DISP1: variants seen among roughly 807,000 people sequenced by gnomAD.
DISP1 encodes dispatched RND transporter family member 1.
A neutral mutation model predicts 37.3 loss-of-function variants in DISP1; 30 were observed. The observed-to-expected ratio is 0.80, with a 90% confidence interval of 0.60 to 1.09. The LOEUF is 1.09. Ranked by LOEUF, DISP1 falls within the 50% of genes least tolerant of loss-of-function variation. The pLI is 0.00. For missense variants in DISP1, 1,598 were observed against 1,879.5 expected, an observed-to-expected ratio of 0.85 and a Z score of 2.77; for synonymous variants, 634 against 690.2, an observed-to-expected ratio of 0.92 and a Z score of 1.28.
intron 1 of DISP1, among the ~76,000 whole-genome samples, chr1:222,855,991 G>T (rs1000970673): frequency 1.3e-5 from 2 of 151,846 alleles, no homozygotes; most frequent in African/African-American, 2.4e-5. Context: ...TGGGGGAAAA[G>T]ATTCTTCTGT....
chr1:222,951,285 C>A (rs1318261646), intron 3 of DISP1, among the ~76,000 whole-genome samples: 1 of 151,742 alleles, frequency 6.6e-6, no homozygotes, highest in Non-Finnish European at 1.5e-5. Flanking sequence ...TTTCTAATTT[C>A]TGACTCATTT....
intron 2 of DISP1, among the ~76,000 whole-genome samples, chr1:222,929,312 C>G (rs1483722635): frequency 6.6e-6 from 1 of 151,996 alleles, no homozygotes; most frequent in Non-Finnish European, 1.5e-5. Flanking sequence ...TTATTTGCAA[C>G]TGGTGGAAAA....
intron 3 of DISP1, among the ~76,000 whole-genome samples, chr1:222,977,319 C>T (rs1020351961): frequency 6.6e-6 from 1 of 150,750 alleles, no homozygotes; most frequent in Non-Finnish European, 1.5e-5. Context: ...CAGGCATGAG[C>T]CACCACGCCC....
intron 1 of DISP1, among the ~76,000 whole-genome samples, chr1:222,926,082 C>T (rs1673068923): frequency 1.3e-5 from 2 of 152,150 alleles, no homozygotes; most frequent in Non-Finnish European, 2.9e-5. Context: ...ACTCCCCATC[C>T]TCTGTCTCCA....
chr1:222,918,273 G>A (rs35396959), intron 1 of DISP1, among the ~76,000 whole-genome samples: 44,811 of 152,024 alleles, frequency 0.29, 7,154 homozygotes, highest in Non-Finnish European at 0.36. Flanking sequence ...AACTGGTTAC[G>A]TTAATTGGAG....
intron 3 of DISP1, among the ~76,000 whole-genome samples, chr1:222,958,906 A>T (rs1288804993): frequency 6.6e-6 from 1 of 152,080 alleles, no homozygotes; most frequent in East Asian, 1.9e-4. Flanking sequence ...TACATTAATG[A>T]TGTCCTTGAC....
chr1:222,825,933 GCT>G (rs1664271532), intron 1 of DISP1, among the ~76,000 whole-genome samples: 1 of 151,718 alleles, frequency 6.6e-6, no homozygotes, highest in Non-Finnish European at 1.5e-5. Flanking sequence ...GCTGGGTCTT[GCT>G]CTGTCACCCA....
intron 1 of DISP1, among the ~76,000 whole-genome samples, chr1:222,885,826 ATATAATGTAGCAT>A (rs1670562372): frequency 6.6e-6 from 1 of 152,124 alleles, no homozygotes; most frequent in Non-Finnish European, 1.5e-5. Flanking sequence ...ACTAACATGT[ATATAATGTAGCAT>A]TCAGAGTTCC....
At position 223,005,507 on chromosome 1, in the gene DISP1, C is replaced by T. The variant is rs764913127; in HGVS notation, c.4110C>T (p.Gly1370=). ...ACATTCAGGCCCAAGAAAAAATTGGCAAGACCAATGTACACAGTCTTCAGA... is the reference window on the plus strand; with the variant it reads ...ACATTCAGGCCCAAGAAAAAATTGGTAAGACCAATGTACACAGTCTTCAGA... ...VQHIQAQEKI[G]KTNVHSLQRS... is the part of the protein sequence containing the mutation. The change falls in exon 9 of 9, where the codon GGC becomes GGT. Residue 1370 remains glycine, a synonymous_variant. Transcript: ENST00000675850. 4 of 1,613,970 alleles carry T rather than the reference C, an allele frequency of 2.5e-6. No homozygotes were observed. The highest frequency in any genetic ancestry group is 3.4e-6 in the Non-Finnish European group (4 of 1,180,022).
At position 222,943,545 on chromosome 1, in the gene DISP1, C is replaced by T. The variant is rs79230202; in HGVS notation, c.509+213C>T. The T allele has an allele frequency of 0.065, 41,323 of 636,462 alleles. 1,609 individuals carry two copies. The highest frequency in any genetic ancestry group is 0.087 in the Middle Eastern group (235 of 2,690). 39.4% of individuals were successfully genotyped at this position (636,462 alleles called of 1,614,324 possible). A position where few individuals can be genotyped will look rare whatever the true frequency, so the allele number is the denominator to read the frequency against. On this transcript the variant is annotated intron_variant, in intron 3 of 8. Transcript: ENST00000675850. ...CCACTGACTTGTTAGTCAAATCCTC[C>T]CTTCCCCTTTCCCTGTCTGCAAACT...
chr1:222,945,134 G>A (rs1170570747), intron 3 of DISP1, among the ~76,000 whole-genome samples: 5 of 152,200 alleles, frequency 3.3e-5, no homozygotes, highest in Admixed American at 3.3e-4. Flanking sequence ...AAGAGAGGAA[G>A]GGAAACGTGG....
rs533788893 is a variant in DISP1, at chr1:222,906,668, C to T, written c.-158-21762C>T. On this transcript the variant is annotated intron_variant, in intron 1 of 8. Transcript: ENST00000675850. ...ATGCCATGGCAACATCAGGAAGTTA[C>T]CCTATATGGTCTAAAAAGAGGAGGC... Among the ~76,000 whole-genome samples, 9 of 152,324 alleles carry T rather than the reference C, an allele frequency of 5.9e-5. 1 individual carries two copies. The South Asian group carries it at 1.7e-3, about 28-fold the overall frequency.
At chr1:222,944,898 A>C (rs1572580950) in intron 3 of DISP1, among the ~76,000 whole-genome samples, 1 of 152,130 alleles carries the variant, frequency 6.6e-6, no homozygotes, top group African/African-American at 2.4e-5. Flanking sequence ...TGGGTGCTGC[A>C]GCTCATGGCT....
At chr1:222,936,624 T>TCTCTCATATATATGAGGTATATATA (rs1673763026) in intron 2 of DISP1, among the ~76,000 whole-genome samples, 1 of 115,094 alleles carries the variant, frequency 8.7e-6, no homozygotes, top group Non-Finnish European at 1.7e-5. Flanking sequence ...GAGATATATA[T>TCTCTCATATATATGAGGTATATATA]ATCTCTCATA....
At chr1:222,876,521 A>G (rs1669983903) in intron 1 of DISP1, among the ~76,000 whole-genome samples, 1 of 152,220 alleles carries the variant, frequency 6.6e-6, no homozygotes, top group African/African-American at 2.4e-5. Context: ...CTAAATGCCC[A>G]TCGAAAAAGA....
intron 1 of DISP1, among the ~76,000 whole-genome samples, chr1:222,906,495 C>T (rs1233849763): frequency 1.3e-5 from 2 of 152,168 alleles, no homozygotes; most frequent in African/African-American, 4.8e-5. Context: ...ACAGGAGGTC[C>T]GCACAAGATA....
rs543740042 is a variant in DISP1, at chr1:223,005,221, A to C, written c.3824A>C (p.Asp1275Ala). 4.3e-5 allele frequency: 69 copies of C among 1,614,110 alleles called. 1 individual carries two copies. In the South Asian group the frequency reaches 6.8e-4, roughly 16 times the overall value. The change falls in exon 9 of 9, where the codon GAT becomes GCT. Residue 1275 changes from aspartate to alanine, a missense_variant. By Grantham distance (126) the Asp-to-Ala change is moderately radical (BLOSUM62 -2). Coordinates refer to ENST00000675850, the MANE Select transcript of DISP1 (RefSeq NM_001377229.1). ...FSLNQRCSCP[D>A]AYKHLNYGPH... ...CTGAATCAGAGATGTAGCTGCCCAG[A>C]TGCCTACAAACACTTGAACTATGGC...
intron 1 of DISP1, among the ~76,000 whole-genome samples, chr1:222,864,889 C>G (rs1669092930): frequency 6.6e-6 from 1 of 152,112 alleles, no homozygotes; most frequent in South Asian, 2.1e-4. Context: ...AAGACTCATT[C>G]CCAAATTATA....
intron 8 of DISP1, among the ~76,000 whole-genome samples, chr1:222,996,805 A>G (rs573607429): frequency 2.0e-5 from 3 of 152,292 alleles, no homozygotes; most frequent in African/African-American, 7.2e-5. Flanking sequence ...GCTTCTAGTG[A>G]GGAAGATACC....
Sources: gnomAD v4.1 joint callset for allele counts (sites outside exome capture counted in the v4.1 genomes callset) on GRCh38, gnomAD v4.1.1 for gene constraint, MANE v1.5 for transcripts, NCBI Gene and HGNC (gene_info 2026-07-23, HGNC 2026-07-21) for gene names.